KCNG3: variants seen among roughly 807,000 people sequenced by gnomAD.
The protein encoded by KCNG3 is potassium voltage-gated channel modifier subfamily G member 3, also known as voltage-gated potassium channel regulatory subunit KCNG3.
A neutral mutation model predicts 29.0 loss-of-function variants in KCNG3; 15 were observed. The observed-to-expected ratio is 0.52, with a 90% CI of 0.35 to 0.80. The LOEUF is 0.80. Among genes scored for constraint, KCNG3 ranks in the 30% least tolerant of loss-of-function variants. The pLI, the probability that KCNG3 is intolerant of heterozygous loss-of-function variation, is 0.01. For missense variants in KCNG3, 512 were observed against 605.7 expected (o/e 0.85, Z 1.62); for synonymous variants, 322 against 248.9 (o/e 1.29, Z -2.76).
At chr2:42,403,814 T>C in the KCNG3 span, among the ~76,000 whole-genome samples, 2 of 151,930 alleles carry the variant, frequency 1.3e-5, no homozygotes, top group Non-Finnish European at 2.9e-5. Flanking sequence ...TTGCCCAGGC[T>C]GGTCTTGAAC....
downstream of KCNG3, among the ~76,000 whole-genome samples, chr2:42,441,212 T>C (rs1672473104): frequency 6.6e-6 from 1 of 151,118 alleles, no homozygotes; most frequent in African/African-American, 2.4e-5. Context: ...GAGACCCCTA[T>C]CTCTACAAAA....
At chr2:42,452,243 A>ATATATATATATT in intron 1 of KCNG3, among the ~76,000 whole-genome samples, 18 of 95,046 alleles carry the variant, frequency 1.9e-4, no homozygotes, top group Admixed American at 3.2e-4. Flanking sequence ...ATATATATAT[A>ATATATATATATT]TTTTTTTTTT....
the KCNG3 span, among the ~76,000 whole-genome samples, chr2:42,435,429 T>A: frequency 1.0e-3 from 156 of 152,076 alleles, no homozygotes; most frequent in Non-Finnish European, 1.9e-3. Context: ...TTGGGAAACA[T>A]CAAAATTTAA....
intron 1 of KCNG3, among the ~76,000 whole-genome samples, chr2:42,479,544 G>T (rs1042582382): frequency 6.6e-6 from 1 of 151,818 alleles, no homozygotes; most frequent in Non-Finnish European, 1.5e-5. Context: ...CACTTGGGGG[G>T]CTGAGGCAGG....
the KCNG3 span, among the ~76,000 whole-genome samples, chr2:42,428,458 GGAAAAAAAAAA>G: frequency 9.6e-6 from 1 of 104,530 alleles, no homozygotes; most frequent in Non-Finnish European, 1.9e-5. Context: ...CCCGGTCTCG[GGAAAAAAAAAA>G]AAAAAAAAAG....
chr2:42,492,921 G>A lies in KCNG3; in HGVS notation c.581C>T (p.Pro194Leu). The change falls in exon 1 of 2, where the codon CCC becomes CTC. Residue 194 changes from proline to leucine, a missense_variant. Physicochemically the swap from Pro to Leu is moderately conservative, Grantham distance 98. Coordinates refer to ENST00000306078, the MANE Select transcript of KCNG3 (RefSeq NM_133329.6). ...GTCGGCGGCTGCGTTGCGCCAGTCGGGCAACGTGCTGGCGCACAGCACCAC... is the reference window on the plus strand; with the variant it reads ...GTCGGCGGCTGCGTTGCGCCAGTCGAGCAACGTGCTGGCGCACAGCACCAC... Reference protein sequence around the residue: ...SMVVLCASTLPDWRNAAADNR... With the variant: ...SMVVLCASTLLDWRNAAADNR... 6.3e-7 allele frequency: 1 copy of A among 1,586,668 alleles called. No homozygotes were observed. The highest frequency in any genetic ancestry group is 8.5e-7 in the Non-Finnish European group (1 of 1,170,310).
chr2:42,482,093 G>T (rs1442960485), intron 1 of KCNG3, among the ~76,000 whole-genome samples: 1 of 152,098 alleles, frequency 6.6e-6, no homozygotes, highest in Non-Finnish European at 1.5e-5. Context: ...CAAACAGCTG[G>T]GACTACAGTG....
At chr2:42,392,590 T>C in the KCNG3 span, among the ~76,000 whole-genome samples, 2 of 152,062 alleles carry the variant, frequency 1.3e-5, no homozygotes, top group African/African-American at 4.8e-5. Flanking sequence ...AAGGCTTTAG[T>C]TGGGTGCTAC....
intron 1 of KCNG3, among the ~76,000 whole-genome samples, chr2:42,455,337 A>G (rs2103679985): frequency 2.0e-5 from 3 of 152,338 alleles, no homozygotes; most frequent in Middle Eastern, 6.8e-3. Context: ...ACTGACTTTG[A>G]CATTAATTAA....
At chr2:42,390,532 C>T in the KCNG3 span, among the ~76,000 whole-genome samples, 11 of 152,098 alleles carry the variant, frequency 7.2e-5, no homozygotes, top group African/African-American at 2.7e-4. Context: ...CAAAAGTGAA[C>T]GAAGGAGTGA....
At chr2:42,403,849 T>C in the KCNG3 span, among the ~76,000 whole-genome samples, 7 of 151,842 alleles carry the variant, frequency 4.6e-5, no homozygotes, top group South Asian at 1.5e-3. Context: ...GATCCCCCCA[T>C]CTAGGCCTCC....
chr2:42,473,087 G>A (rs111259471), intron 1 of KCNG3, among the ~76,000 whole-genome samples: 8 of 150,268 alleles, frequency 5.3e-5, no homozygotes, highest in African/African-American at 1.2e-4. Context: ...TAGTAGAGAC[G>A]GGGTTTCACC....
chr2:42,430,947 T>C, the KCNG3 span, among the ~76,000 whole-genome samples: 1 of 151,896 alleles, frequency 6.6e-6, no homozygotes, highest in African/African-American at 2.4e-5. Context: ...CTGTCTCTAC[T>C]AAAATTACAA....
chr2:42,478,410 T>A (rs551919117), intron 1 of KCNG3, among the ~76,000 whole-genome samples: 1 of 151,890 alleles, frequency 6.6e-6, no homozygotes, highest in African/African-American at 2.4e-5. Flanking sequence ...TTTTCTTAAT[T>A]TGTAGAGAAG....
chr2:42,440,642 T>C (rs1178374559), downstream of KCNG3, among the ~76,000 whole-genome samples: 1 of 152,208 alleles, frequency 6.6e-6, no homozygotes, highest in Non-Finnish European at 1.5e-5. Flanking sequence ...TTTTGACTTA[T>C]TGACAGCCAT....
rs1274384731 is a variant in KCNG3, at chr2:42,443,158, G to C, written c.*776C>G. ...TCTTGTTTGGACATCTAAATATTAG[G>C]ACAGTTATCACCTAGGAACAGCAAT... On this transcript the variant is annotated 3_prime_UTR_variant, in exon 2 of 2. Coordinates refer to ENST00000306078, the MANE Select transcript of KCNG3 (RefSeq NM_133329.6). The C allele has an allele frequency of 6.6e-6, 1 of 152,030 alleles. No homozygotes were observed. The highest frequency in any genetic ancestry group is 1.5e-5 in the Non-Finnish European group (1 of 67,980). 9.4% of individuals were successfully genotyped at this position (152,030 alleles called of 1,614,324 possible).
At position 42,493,593 on chromosome 2, in the gene KCNG3, G is replaced by A. The variant is rs986258508; in HGVS notation, c.-92C>T. 14 of 1,155,798 alleles carry A rather than the reference G, an allele frequency of 1.2e-5. No homozygotes were observed. The highest frequency in any genetic ancestry group is 1.5e-5 in the Non-Finnish European group (14 of 919,420). 71.6% of individuals were successfully genotyped at this position (1,155,798 alleles called of 1,614,324 possible). ...CGGGGCCTGCCTGCCCGTGGCTGAC[G>A]GGGGAGCGCGCCGTCGGGGCCCGCG... On this transcript the variant is annotated 5_prime_UTR_variant, in exon 1 of 2. Coordinates refer to ENST00000306078, the MANE Select transcript of KCNG3 (RefSeq NM_133329.6).
At chr2:42,481,222 C>T (rs938919808) in intron 1 of KCNG3, among the ~76,000 whole-genome samples, 1 of 152,188 alleles carries the variant, frequency 6.6e-6, no homozygotes, top group African/African-American at 2.4e-5. Context: ...AGTAGAGACC[C>T]TTGTCATACC....
chr2:42,429,159 G>A, the KCNG3 span, among the ~76,000 whole-genome samples: 19 of 151,760 alleles, frequency 1.3e-4, no homozygotes, highest in Non-Finnish European at 2.6e-4. Flanking sequence ...AAAAAAAACA[G>A]GCAAGAAGCA....
Sources: gnomAD v4.1 joint callset for allele counts (sites outside exome capture counted in the v4.1 genomes callset) on GRCh38, gnomAD v4.1.1 for gene constraint, MANE v1.5 for transcripts, NCBI Gene and HGNC (gene_info 2026-07-23, HGNC 2026-07-21) for gene names.